Variants in SRRM4 observed in about 807,000 individuals in gnomAD.
SRRM4 encodes the protein serine/arginine repetitive matrix 4.
A neutral mutation model predicts 68.9 loss-of-function variants in SRRM4; 33 were observed. That is an observed-to-expected ratio of 0.48 (90% CI 0.36 to 0.64). The LOEUF (loss-of-function observed/expected upper bound fraction) is 0.64, where lower values mean the gene tolerates loss of function less well. Ranked by LOEUF, SRRM4 falls within the 30% of genes least tolerant of loss-of-function variation. SRRM4 has a pLI of 0.00. For missense variants in SRRM4, 817 were observed against 827.1 expected (o/e 0.99, Z 0.15); for synonymous variants, 318 against 318.8 (o/e 1.00, Z 0.03).
At chr12:119,112,222 T>A (rs1006440964) in intron 2 of SRRM4, among the ~76,000 whole-genome samples, 3 of 152,068 alleles carry the variant, frequency 2.0e-5, no homozygotes, top group Non-Finnish European at 2.9e-5. Flanking sequence ...GGGACCCTCT[T>A]AGAAATGCAA....
rs2089462580 is a variant in SRRM4 at position 119,160,297 on chromosome 12, CT to C, written c.*3500del. 1.6e-5 allele frequency: 1 copy of C among 62,134 alleles called. No homozygotes were observed. The highest frequency in any genetic ancestry group is 3.9e-5 in the Non-Finnish European group (1 of 25,698). The allele number at this position is 62,134 out of a possible 1,614,324, so 3.8% of individuals were successfully genotyped here. On this transcript the variant is annotated 3_prime_UTR_variant, in exon 13 of 13. Transcript: ENST00000267260. ...TCTCTGTCTCTCTCTCTGTCTCTCTCTCTCTCTCTCTCTCTCTCTCTCTCTC... is the reference window on the plus strand; with the variant it reads ...TCTCTGTCTCTCTCTCTGTCTCTCTCCTCTCTCTCTCTCTCTCTCTCTCTC...
Position 119,066,978 on chromosome 12 carries a change from T to C in SRRM4, c.132-35258T>C, listed in dbSNP as rs115153356. ...AGTGGACCTCAGTATTTCACTCTCC[T>C]GCCTAATAACCATCAAAGGCTCCCT... On this transcript the variant is annotated intron_variant, in intron 1 of 12. Transcript: ENST00000267260. Among the ~76,000 whole-genome samples, 1,513 of 152,322 alleles carry C rather than the reference T, an allele frequency of 9.9e-3. 25 individuals are homozygous for C. The highest frequency in any genetic ancestry group is 0.035 in the African/African-American group (1,452 of 41,572).
intron 1 of SRRM4, among the ~76,000 whole-genome samples, chr12:119,049,723 G>A (rs1953729643): frequency 6.6e-6 from 1 of 152,174 alleles, no homozygotes; most frequent in Non-Finnish European, 1.5e-5. Context: ...TTGAAGGCTG[G>A]AAGTTCAAGA....
At chr12:119,067,103 C>G (rs1953850630) in intron 1 of SRRM4, among the ~76,000 whole-genome samples, 1 of 152,180 alleles carries the variant, frequency 6.6e-6, no homozygotes, top group Admixed American at 6.5e-5. Context: ...CTTTTCTGCT[C>G]CAGTCACTGC....
intron 1 of SRRM4, among the ~76,000 whole-genome samples, chr12:119,042,288 G>A (rs1355306066): frequency 6.6e-6 from 1 of 151,830 alleles, no homozygotes; most frequent in Non-Finnish European, 1.5e-5. Flanking sequence ...CCTGGTGGGA[G>A]AGGAAAGGAG....
In SRRM4 at chr12:119,157,106, T is replaced by C. The variant is rs1954479261; in HGVS notation, c.*308T>C. The C allele has an allele frequency of 2.8e-6, 1 of 351,446 alleles. No homozygotes were observed. The highest frequency in any genetic ancestry group is 4.4e-5 in the Admixed American group (1 of 22,960). 21.8% of individuals were successfully genotyped at this position (351,446 alleles called of 1,614,324 possible). A position where few individuals can be genotyped will look rare whatever the true frequency, so the allele number is the denominator to read the frequency against. ...GGTTTTGTGAGAAGCAATGGGTCTG[T>C]GACTCAAAAATTGAGCCCTGGCCAG... On this transcript the variant is annotated 3_prime_UTR_variant, in exon 13 of 13. Transcript: ENST00000267260. This position sits in a 1 kb window ranked among gnomAD's most constrained non-coding sequence, Gnocchi z 4.1.
At chr12:119,040,479 T>C (rs1461037285) in intron 1 of SRRM4, among the ~76,000 whole-genome samples, 1 of 152,228 alleles carries the variant, frequency 6.6e-6, no homozygotes, top group Non-Finnish European at 1.5e-5. Flanking sequence ...TTACTTCACT[T>C]AGAATGATAG....
At chr12:119,054,698 G>A (rs1349428126) in intron 1 of SRRM4, among the ~76,000 whole-genome samples, 1 of 152,216 alleles carries the variant, frequency 6.6e-6, no homozygotes, top group Non-Finnish European at 1.5e-5. Flanking sequence ...AATGGCTTCA[G>A]TTCCAGATAG....
chr12:119,003,407 C>T (rs2393465), intron 1 of SRRM4, among the ~76,000 whole-genome samples: 110,007 of 151,544 alleles, frequency 0.73, 40,871 homozygotes, highest in Middle Eastern at 0.89. Context: ...AGGGACATGC[C>T]ATAAAAGATT....
At chr12:119,056,074 TG>T (rs1953774239) in intron 1 of SRRM4, among the ~76,000 whole-genome samples, 1 of 152,202 alleles carries the variant, frequency 6.6e-6, no homozygotes. Flanking sequence ...CCTGCTGCAA[TG>T]TCTTGAAATA....
At chr12:119,098,023 G>C (rs534825307) in intron 1 of SRRM4, among the ~76,000 whole-genome samples, 2 of 152,208 alleles carry the variant, frequency 1.3e-5, no homozygotes, top group African/African-American at 4.8e-5. Context: ...CCTTGACATA[G>C]TAATAATGTG....
intron 1 of SRRM4, among the ~76,000 whole-genome samples, chr12:119,076,976 A>G (rs1174577772): frequency 6.6e-6 from 1 of 152,168 alleles, no homozygotes; most frequent in African/African-American, 2.4e-5. Flanking sequence ...CCTGTAATCA[A>G]ACTGACTTGC....
chr12:119,132,891 C>G (rs752879551), intron 8 of SRRM4: 22 of 152,200 alleles, frequency 1.4e-4, no homozygotes, highest in Middle Eastern at 3.2e-3. Context: ...GTGGTCACAT[C>G]ATGTCCCTGA....
At position 119,161,042 on chromosome 12, in the gene SRRM4, G is replaced by A. The variant is rs959252619; in HGVS notation, c.*4244G>A. ...AGAACCGCATCACTTCATTTGCTCA[G>A]ACCCATCCTCTTTTGCAAAAGGGTC... is the stretch of plus-strand genomic sequence containing the variant. On this transcript the variant is annotated 3_prime_UTR_variant, in exon 13 of 13. Coordinates refer to ENST00000267260, the MANE Select transcript of SRRM4 (RefSeq NM_194286.4). 3 of 152,174 alleles carry A rather than the reference G, an allele frequency of 2.0e-5. No homozygotes were observed. The highest frequency in any genetic ancestry group is 4.8e-5 in the African/African-American group (2 of 41,424). 9.4% of individuals were successfully genotyped at this position (152,174 alleles called of 1,614,324 possible). A position where few individuals can be genotyped will look rare whatever the true frequency, so the allele number is the denominator to read the frequency against.
intron 1 of SRRM4, among the ~76,000 whole-genome samples, chr12:119,090,401 G>A (rs1183779587): frequency 6.6e-6 from 1 of 152,106 alleles, no homozygotes; most frequent in African/African-American, 2.4e-5. Context: ...AAAAGATATA[G>A]TTTCAACTGG....
chr12:119,026,585 G>A (rs771906399), intron 1 of SRRM4, among the ~76,000 whole-genome samples: 3 of 151,784 alleles, frequency 2.0e-5, no homozygotes, highest in African/African-American at 7.3e-5. Flanking sequence ...CTCTCACTCT[G>A]TTGCCCCAGC....
chr12:119,049,674 T>G (rs1013449790), intron 1 of SRRM4, among the ~76,000 whole-genome samples: 3 of 152,210 alleles, frequency 2.0e-5, no homozygotes, highest in African/African-American at 7.2e-5. Flanking sequence ...TGCCACAGAC[T>G]GAGTGTCTTA....
At chr12:119,097,293 T>A (rs1311177626) in intron 1 of SRRM4, among the ~76,000 whole-genome samples, 1 of 152,232 alleles carries the variant, frequency 6.6e-6, no homozygotes, top group Non-Finnish European at 1.5e-5. Context: ...GAAGCCTGAT[T>A]CCACTGCAGC....
In SRRM4 at chr12:119,128,869, T is replaced by G. The variant is rs149644312; in HGVS notation, c.615-1809T>G. On this transcript the variant is annotated intron_variant, in intron 7 of 12. Transcript: ENST00000267260. Reference sequence around the variant, plus strand: ...AACATCACAAACACTACCCCGGGCCTCCTCTGCTGTCCCATCTCCTCCTGA... The same window carrying G: ...AACATCACAAACACTACCCCGGGCCGCCTCTGCTGTCCCATCTCCTCCTGA... 1.7e-4 allele frequency among the ~76,000 whole-genome samples: 26 copies of G among 152,344 alleles called. No individual in the cohort carries two copies. In the South Asian group the frequency reaches 2.1e-3, roughly 12 times the overall value.
Sources: allele counts gnomAD v4.1 joint callset (sites outside exome capture counted in the v4.1 genomes callset), GRCh38; gene constraint gnomAD v4.1.1; non-coding constraint Gnocchi (gnomAD v3.1); transcripts MANE v1.5; gene names NCBI Gene and HGNC (gene_info 2026-07-23, HGNC 2026-07-21).